The following ARFGEF2 variants were observed in gnomAD, a reference collection of about 807,000 sequenced individuals.
The protein encoded by ARFGEF2 is ARF guanine nucleotide exchange factor 2, also known as brefeldin A-inhibited guanine nucleotide-exchange protein 2.
In ARFGEF2, 74 loss-of-function variants were observed where a neutral mutation model predicts 219.9. The observed-to-expected ratio is 0.34, with a 90% CI of 0.28 to 0.41. The LOEUF is 0.41. ARFGEF2 is among the 10% of genes least tolerant of loss of function. ARFGEF2 has a pLI of 1.00. For synonymous variants in ARFGEF2, 733 were observed against 799.2 expected, an observed-to-expected ratio of 0.92 and a Z score of 1.40; for missense variants, 1,743 against 2,218.3, an observed-to-expected ratio of 0.79 and a Z score of 4.30.
chr20:48,988,156 C>T, intron 16 of ARFGEF2, 148 bp from the exon 17 acceptor site: 2 of 672,296 alleles, frequency 3.0e-6, no homozygotes, highest in South Asian at 1.6e-5. Context: ...AAGTCTTGTT[C>T]AGTGATGATG....
In ARFGEF2 at chr20:48,942,005, C is replaced by T. The variant is rs765427800; in HGVS notation, c.276+18C>T. On this transcript the variant is annotated intron_variant, in intron 3 of 38. Coordinates refer to ENST00000371917, the MANE Select transcript of ARFGEF2 (RefSeq NM_006420.3). ...GCTTGCAGGTACCATGTTTAAACTT[C>T]GTGTTGTCAAGGGGGTTCTCTCCAA... 6 of 1,613,914 alleles carry T rather than the reference C, an allele frequency of 3.7e-6. No homozygotes were observed. Among genetic ancestry groups the T allele is most frequent in the South Asian group, 1.1e-5 (1 of 91,076 alleles).
At chr20:48,967,653 G>A (rs897720745) in intron 8 of ARFGEF2, among the ~76,000 whole-genome samples, 1 of 152,182 alleles carries the variant, frequency 6.6e-6, no homozygotes, top group Non-Finnish European at 1.5e-5. Context: ...GAGAGTGGGA[G>A]TTGGAAGTGT....
At chr20:49,025,982 G>GA (rs3092702) in intron 36 of ARFGEF2, among the ~76,000 whole-genome samples, 20,399 of 127,654 alleles carry the variant, frequency 0.16, 1,867 homozygotes, top group East Asian at 0.38. Context: ...ACTCCATCTG[G>GA]AAAAAAAAAA....
At chr20:48,970,043 G>A (rs183930556) in intron 9 of ARFGEF2, among the ~76,000 whole-genome samples, 7 of 152,284 alleles carry the variant, frequency 4.6e-5, no homozygotes, top group Admixed American at 3.3e-4. Context: ...GGCTGGGTGC[G>A]GTGGCTCACA....
intron 35 of ARFGEF2, among the ~76,000 whole-genome samples, chr20:49,023,665 A>C (rs1449785351): frequency 6.6e-6 from 1 of 150,780 alleles, no homozygotes; most frequent in Non-Finnish European, 1.5e-5. Context: ...CAGCCTCCCG[A>C]GTAGCTGGGA....
intron 5 of ARFGEF2, among the ~76,000 whole-genome samples, chr20:48,953,332 C>T (rs1313457042): frequency 2.0e-5 from 3 of 151,936 alleles, no homozygotes; most frequent in Non-Finnish European, 4.4e-5. Flanking sequence ...TGTGCCACCA[C>T]ACCCAGCTAA....
intron 35 of ARFGEF2, 32 bp downstream of exon 35, chr20:49,023,213 C>T: frequency 6.2e-7 from 1 of 1,613,320 alleles, no homozygotes; most frequent in Non-Finnish European, 8.5e-7. Context: ...AAGAGCATCC[C>T]TGTCCATAGG....
chr20:48,948,647 T>G (rs976474231), intron 3 of ARFGEF2, among the ~76,000 whole-genome samples: 3 of 152,230 alleles, frequency 2.0e-5, no homozygotes, highest in Non-Finnish European at 2.9e-5. Flanking sequence ...TGTCCTATTC[T>G]GTACCAAGAA....
chr20:48,969,412 A>C, intron 9 of ARFGEF2, 135 bp downstream of exon 9: 1 of 1,528,262 alleles, frequency 6.5e-7, no homozygotes, highest in Non-Finnish European at 9.0e-7. Context: ...GAACGGTTTT[A>C]CAACTTTTCA....
intron 14 of ARFGEF2, among the ~76,000 whole-genome samples, chr20:48,980,507 G>T (rs1272266505): frequency 1.3e-5 from 2 of 152,162 alleles, no homozygotes; most frequent in African/African-American, 4.8e-5. Context: ...TCCACTTGGT[G>T]CAGAGCTGAG....
chr20:48,986,805 T>A (rs1347519685), intron 16 of ARFGEF2, among the ~76,000 whole-genome samples: 2 of 152,116 alleles, frequency 1.3e-5, no homozygotes, highest in Admixed American at 1.3e-4. Flanking sequence ...GCTCAATCAG[T>A]CCTCCCACCT....
intron 2 of ARFGEF2, 49 bp from the exon 3 acceptor site, chr20:48,941,815 G>A: frequency 6.2e-7 from 1 of 1,613,690 alleles, no homozygotes; most frequent in African/African-American, 1.3e-5. Context: ...TTAGAGTAAG[G>A]TGTAGAAAAT....
chr20:49,013,776 C>T lies in ARFGEF2; in HGVS notation c.4050-55C>T, dbSNP rs1038294055. On this transcript the variant is annotated intron_variant, in intron 29 of 38. Coordinates refer to ENST00000371917, the MANE Select transcript of ARFGEF2 (RefSeq NM_006420.3). ...TGCTCACCTGACCCCACTCTCTTCT[C>T]TGTTGTTCTCTTCTCCACCATTCTC... is the stretch of plus-strand genomic sequence containing the variant. 3.7e-6 allele frequency: 6 copies of T among 1,613,930 alleles called. No homozygotes were observed. In the South Asian group the frequency reaches 4.4e-5, roughly 12 times the overall value.
Position 48,953,780 on chromosome 20 carries a change from A to G in ARFGEF2, c.828A>G (p.Ser276=). 1.2e-6 allele frequency: 2 copies of G among 1,614,090 alleles called. No individual in the cohort carries two copies. Among genetic ancestry groups the G allele is most frequent in the Non-Finnish European group, 1.7e-6 (2 of 1,179,966 alleles). The change falls in exon 6 of 39, where the codon TCA becomes TCG. Residue 276 remains serine (S), a synonymous_variant. Transcript: ENST00000371917. The stretch of plus-strand genomic sequence containing the variant: ...GAGACGCACCCAGAGAAAGAGGCTC[A>G]TCACTGTCAGGTACGGGCTGATACG... ...ENGDAPRERG[S]SLSGTDDGAQ...
intron 1 of ARFGEF2, among the ~76,000 whole-genome samples, chr20:48,923,117 AGAACTATCCACCATATG>A (rs2090853852): frequency 1.3e-5 from 2 of 152,312 alleles, no homozygotes; most frequent in Middle Eastern, 3.4e-3. Context: ...CTGAAAGGCA[AGAACTATCCACCATATG>A]GAGTTTCAGA....
At chr20:48,974,103 ATTAT>A (rs1021953251) in intron 12 of ARFGEF2, among the ~76,000 whole-genome samples, 6 of 100,568 alleles carry the variant, frequency 6.0e-5, no homozygotes, top group African/African-American at 2.2e-4. Flanking sequence ...CTTGTTATTT[ATTAT>A]TTGAGTGTGA....
chr20:49,032,257 G>C, intron 38 of ARFGEF2, 91 bp downstream of exon 38: 1 of 903,880 alleles, frequency 1.1e-6, no homozygotes, highest in South Asian at 1.3e-5. Context: ...TATTTTCTCA[G>C]TTCTCCCAAG....
In ARFGEF2 at chr20:48,984,788, C is replaced by A. The variant is rs761318717; in HGVS notation, c.2018C>A (p.Thr673Lys). 22 of 1,613,344 alleles carry A rather than the reference C, an allele frequency of 1.4e-5. No homozygotes were observed. The South Asian group carries it at 2.3e-4, about 17-fold the overall frequency. ...CTCCAGGAGCAGGGCATGCTGGGAA[C>A]GTCAGTTGAAGACATAGCCCAATTC... ...QFLQEQGMLG[T>K]SVEDIAQFLH... The change falls in exon 15 of 39, where the codon ACG (threonine) becomes AAG (lysine). Residue 673 changes from threonine to lysine, a missense_variant. Coordinates refer to ENST00000371917, the MANE Select transcript of ARFGEF2 (RefSeq NM_006420.3).
intron 21 of ARFGEF2, among the ~76,000 whole-genome samples, chr20:48,994,250 T>C (rs1170396244): frequency 6.6e-6 from 1 of 152,162 alleles, no homozygotes; most frequent in Non-Finnish European, 1.5e-5. Flanking sequence ...GATGTGCCTA[T>C]TAAGTGACAT....
Sources: allele counts gnomAD v4.1 joint callset (sites outside exome capture counted in the v4.1 genomes callset), GRCh38; gene constraint gnomAD v4.1.1; transcripts MANE v1.5; gene names NCBI Gene and HGNC (gene_info 2026-07-23, HGNC 2026-07-21).